Variants in ZFHX3 observed in about 807,000 individuals in gnomAD.
ZFHX3 encodes zinc finger homeobox 3, also known as zinc finger homeobox protein 3.
Under a neutral mutation model 279.1 loss-of-function variants are expected in ZFHX3, and 42 were observed. That is an observed-to-expected ratio of 0.15 (90% CI 0.12 to 0.19). The LOEUF is 0.19. Ranked by LOEUF, ZFHX3 falls within the 10% of genes least tolerant of loss-of-function variation. The pLI, the probability that ZFHX3 is intolerant of heterozygous loss-of-function variation, is 1.00. For missense variants in ZFHX3, 4,981 were observed against 4,754.0 expected, an observed-to-expected ratio of 1.05 and a Z score of -1.40; for synonymous variants, 2,293 against 1,957.8, an observed-to-expected ratio of 1.17 and a Z score of -4.52.
Position 72,787,313 on chromosome 16 carries a change from T to C in ZFHX3, c.10963A>G (p.Met3655Val), listed in dbSNP as rs1309829682. ...TCCTCCGAATAGTCGTCTGTTGGCA[T>C]CGAGGGCTGAACCCCTGAGGTGCTG... ...SCSTSGVQPSMPTDDYSEESD... is the reference protein window; with the variant it reads ...SCSTSGVQPSVPTDDYSEESD... The change falls in exon 10 of 10, where the codon ATG (methionine) becomes GTG (valine). Residue 3655 changes from methionine (M) to valine (V), a missense_variant. This residue lies in a region of ZFHX3 where 1,034 missense variants were observed against 786.0 expected (regional missense o/e 1.32). Coordinates refer to ENST00000268489, the MANE Select transcript of ZFHX3 (RefSeq NM_006885.4). 2 of 1,614,024 alleles carry C rather than the reference T, an allele frequency of 1.2e-6. No individual in the cohort carries two copies. The highest frequency in any genetic ancestry group is 8.5e-7 in the Non-Finnish European group (1 of 1,180,004).
chr16:73,408,581 A>G (rs56352339), intron 3 of ZFHX3, among the ~76,000 whole-genome samples: 30,595 of 152,092 alleles, frequency 0.2, 3,701 homozygotes, highest in Middle Eastern at 0.35. Flanking sequence ...TGGGCTGGGA[A>G]TACTTACTCC....
chr16:73,556,543 G>A (rs978758398), intron 2 of ZFHX3, among the ~76,000 whole-genome samples: 6 of 152,152 alleles, frequency 3.9e-5, no homozygotes, highest in African/African-American at 1.4e-4. Context: ...GCTCTGGACG[G>A]CACCAAAGAT....
intron 5 of ZFHX3, among the ~76,000 whole-genome samples, chr16:73,177,302 T>C (rs190406604): frequency 6.4e-4 from 98 of 152,306 alleles, no homozygotes; most frequent in Admixed American, 4.3e-3. Flanking sequence ...GCTGTTTGAA[T>C]GGGTAGCAGA....
intron 4 of ZFHX3, among the ~76,000 whole-genome samples, chr16:72,837,066 G>A (rs563636773): frequency 3.9e-5 from 6 of 152,252 alleles, no homozygotes; most frequent in South Asian, 2.1e-4. Context: ...GCACTCCTGC[G>A]GGCCTCTAGA....
At chr16:73,822,358 T>C (rs1960770797) in intron 1 of ZFHX3, among the ~76,000 whole-genome samples, 1 of 152,168 alleles carries the variant, frequency 6.6e-6, no homozygotes, top group South Asian at 2.1e-4. Flanking sequence ...CTAAGAAGCC[T>C]AAGTTTCAAA....
At chr16:73,441,709 A>G (rs937486517) in intron 3 of ZFHX3, among the ~76,000 whole-genome samples, 1 of 152,134 alleles carries the variant, frequency 6.6e-6, no homozygotes, top group Non-Finnish European at 1.5e-5. Flanking sequence ...GACAACATGT[A>G]TCTTCTCCTT....
chr16:73,277,302 C>T (rs932668133), intron 4 of ZFHX3, among the ~76,000 whole-genome samples: 1 of 152,010 alleles, frequency 6.6e-6, no homozygotes, highest in African/African-American at 2.4e-5. Context: ...TGAAAGTCAC[C>T]CCGGGTTTAC....
chr16:73,412,372 G>C, intron 3 of ZFHX3, among the ~76,000 whole-genome samples: 1 of 148,610 alleles, frequency 6.7e-6, no homozygotes, highest in Non-Finnish European at 1.5e-5. Context: ...GAATGTGTTT[G>C]TCTCCTGAAG....
intron 3 of ZFHX3, among the ~76,000 whole-genome samples, chr16:73,320,264 C>A (rs967784864): frequency 3.9e-5 from 6 of 152,122 alleles, no homozygotes; most frequent in Non-Finnish European, 7.4e-5. Context: ...AAAAACAAAA[C>A]AAAACATATT....
At chr16:73,238,683 C>T (rs2013027823) in intron 5 of ZFHX3, among the ~76,000 whole-genome samples, 1 of 152,136 alleles carries the variant, frequency 6.6e-6, no homozygotes, top group Admixed American at 6.5e-5. Flanking sequence ...GAGGATCCCA[C>T]CTTCTTACAT....
chr16:73,605,337 A>C (rs2052166788), intron 2 of ZFHX3, among the ~76,000 whole-genome samples: 2 of 152,236 alleles, frequency 1.3e-5, no homozygotes, highest in South Asian at 4.1e-4. Context: ...CCCTTTTAGG[A>C]TAAAAGTGCG....
At chr16:73,550,369 C>A (rs1405126865) in intron 2 of ZFHX3, among the ~76,000 whole-genome samples, 1 of 152,132 alleles carries the variant, frequency 6.6e-6, no homozygotes, top group Admixed American at 6.6e-5. Context: ...ATAAACTTGA[C>A]GGGACAAGCT....
At chr16:73,135,735 G>A (rs1338505323) in intron 6 of ZFHX3, among the ~76,000 whole-genome samples, 3 of 152,190 alleles carry the variant, frequency 2.0e-5, no homozygotes, top group Non-Finnish European at 4.4e-5. Context: ...GAAAGCCTTG[G>A]TTACACTGGG....
intron 4 of ZFHX3, among the ~76,000 whole-genome samples, chr16:72,836,168 T>C (rs1335007394): frequency 1.3e-5 from 2 of 152,192 alleles, no homozygotes; most frequent in Admixed American, 6.5e-5. Context: ...TGGTAATCTT[T>C]GTGGCTACAC....
In ZFHX3 at chr16:72,959,573, G is replaced by A. The variant is rs2144453534; in HGVS notation, c.573C>T (p.Tyr191=). The A allele has an allele frequency of 6.2e-7, 1 of 1,614,208 alleles. No homozygotes were observed. Among genetic ancestry groups the A allele is most frequent in the South Asian group, 1.1e-5 (1 of 91,080 alleles). The change falls in exon 2 of 10, where the codon TAC becomes TAT. Residue 191 remains tyrosine (Y), a synonymous_variant. Transcript: ENST00000268489. The part of the protein sequence containing the change: ...QGDPSCAAPV[Y]PQIINTFHIA... The stretch of plus-strand genomic sequence containing the variant: ...TGTGGAAAGTGTTGATGATCTGCGG[G>A]TACACGGGTGCAGCACACGAAGGGT...
chr16:73,245,193 T>C (rs73601370), intron 5 of ZFHX3, among the ~76,000 whole-genome samples: 1 of 152,252 alleles, frequency 6.6e-6, no homozygotes, highest in East Asian at 1.9e-4. Flanking sequence ...TACTCATCTG[T>C]CTCCTCTTGC....
intron 5 of ZFHX3, among the ~76,000 whole-genome samples, chr16:73,248,064 G>C (rs2013355567): frequency 6.6e-6 from 1 of 151,542 alleles, no homozygotes; most frequent in African/African-American, 2.4e-5. Flanking sequence ...GTATAAGTGT[G>C]TGTATACTGT....
chr16:73,295,088 G>C (rs972761376), intron 4 of ZFHX3, among the ~76,000 whole-genome samples: 1 of 151,978 alleles, frequency 6.6e-6, no homozygotes, highest in Admixed American at 6.6e-5. Context: ...GGTGGCAGGT[G>C]CCTGTAGTCT....
chr16:73,457,484 G>A (rs1290229651), intron 2 of ZFHX3, among the ~76,000 whole-genome samples: 1 of 152,156 alleles, frequency 6.6e-6, no homozygotes, highest in Non-Finnish European at 1.5e-5. Flanking sequence ...TACAAAACGA[G>A]GGAGTCGGCC....
Sources: gnomAD v4.1 joint callset for allele counts (sites outside exome capture counted in the v4.1 genomes callset) on GRCh38, gnomAD v4.1.1 for gene constraint, gnomAD v4.1.1 regional missense constraint, MANE v1.5 for transcripts, NCBI Gene and HGNC (gene_info 2026-07-23, HGNC 2026-07-21) for gene names.